The following COL25A1 variants were observed in gnomAD, a reference collection of about 807,000 sequenced individuals.
COL25A1 encodes collagen type XXV alpha 1 chain, also known as collagen alpha-1(XXV) chain.
A neutral mutation model predicts 128.4 loss-of-function variants in COL25A1; 103 were observed. That is an observed-to-expected ratio of 0.80 (90% CI 0.68 to 0.94). The LOEUF (loss-of-function observed/expected upper bound fraction) is 0.94. Among genes scored for constraint, COL25A1 ranks in the 40% least tolerant of loss-of-function variants. The pLI is 0.00. For synonymous variants in COL25A1, 279 were observed against 277.2 expected, an observed-to-expected ratio of 1.01 and a Z score of -0.06; for missense variants, 745 against 840.0, an observed-to-expected ratio of 0.89 and a Z score of 1.40.
At chr4:109,162,802 T>C (rs1772708694) in intron 3 of COL25A1, among the ~76,000 whole-genome samples, 1 of 152,198 alleles carries the variant, frequency 6.6e-6, no homozygotes, top group Admixed American at 6.5e-5. Flanking sequence ...TGTGGGGAAC[T>C]GGCATCCCAG....
chr4:109,065,974 C>A (rs1762415507), intron 3 of COL25A1, among the ~76,000 whole-genome samples: 1 of 152,130 alleles, frequency 6.6e-6, no homozygotes. Flanking sequence ...CATTTAAATC[C>A]ATAACCTGGA....
chr4:108,854,807 T>C (rs1291943282), intron 24 of COL25A1, among the ~76,000 whole-genome samples: 1 of 152,148 alleles, frequency 6.6e-6, no homozygotes, highest in Non-Finnish European at 1.5e-5. Context: ...AGTGTGGCAA[T>C]TCCTCAAGGA....
chr4:109,044,185 GA>G (rs1409143734), intron 5 of COL25A1, among the ~76,000 whole-genome samples: 4 of 151,754 alleles, frequency 2.6e-5, no homozygotes, highest in African/African-American at 4.8e-5. Flanking sequence ...GCTTCCTAGA[GA>G]ATAAATTGAT....
At position 108,862,498 on chromosome 4, in the gene COL25A1, G is replaced by C; in HGVS notation, c.1197+3C>G. The stretch of plus-strand genomic sequence containing the variant: ...ATATTTAAATGGTTATCTGGTTACT[G>C]ACCTTTGACCCCTTTGGGCCTCTAG... On this transcript the variant is annotated splice_donor_region_variant and intron_variant, in intron 22 of 37. Coordinates refer to ENST00000399132, the MANE Select transcript of COL25A1 (RefSeq NM_198721.4). 6.2e-7 allele frequency: 1 copy of C among 1,608,190 alleles called. No individual in the cohort carries two copies. Among genetic ancestry groups the C allele is most frequent in the South Asian group, 1.1e-5 (1 of 90,876 alleles).
intron 6 of COL25A1, among the ~76,000 whole-genome samples, chr4:108,978,540 A>T (rs1560963140): frequency 6.6e-6 from 1 of 151,742 alleles, no homozygotes; most frequent in Non-Finnish European, 1.5e-5. Flanking sequence ...TGGGGTATTA[A>T]TTTTTTTTTA....
At chr4:108,886,635 G>A (rs111876980) in intron 18 of COL25A1, among the ~76,000 whole-genome samples, 1 of 151,870 alleles carries the variant, frequency 6.6e-6, no homozygotes, top group African/African-American at 2.4e-5. Flanking sequence ...CTTGACTCAG[G>A]GGCTTCTCTC....
At chr4:109,000,759 A>C (rs964510907) in intron 6 of COL25A1, among the ~76,000 whole-genome samples, 5 of 143,830 alleles carry the variant, frequency 3.5e-5, no homozygotes, top group Non-Finnish European at 6.1e-5. Flanking sequence ...AAAAAAAAAA[A>C]AAAAAAAAAG....
chr4:108,891,519 CAAT>C (rs1325313056), intron 16 of COL25A1, among the ~76,000 whole-genome samples: 3 of 152,090 alleles, frequency 2.0e-5, no homozygotes, highest in African/African-American at 7.2e-5. Context: ...ATATTTTATA[CAAT>C]AATATCTTTG....
intron 3 of COL25A1, among the ~76,000 whole-genome samples, chr4:109,284,898 T>TAA (rs35323327): frequency 1.4e-5 from 2 of 142,404 alleles, no homozygotes; most frequent in Non-Finnish European, 3.1e-5. Context: ...ACAGCATGTA[T>TAA]AAAAAAAAAA....
chr4:108,834,432 G>A lies in COL25A1; in HGVS notation c.1657-1999C>T, dbSNP rs189783848. ...GTAGCAGGGTTGGTGGGTGTAACAC[G>A]AATGACAAGAACAGAGATTAGTATG... On this transcript the variant is annotated intron_variant, in intron 31 of 37. Coordinates refer to ENST00000399132, the MANE Select transcript of COL25A1 (RefSeq NM_198721.4). 14,229 of 1,524,252 alleles carry A rather than the reference G, an allele frequency of 9.3e-3. 98 individuals carry two copies. Among genetic ancestry groups the A allele is most frequent in the Non-Finnish European group, 0.012 (12,936 of 1,123,368 alleles). 94.4% of individuals were successfully genotyped at this position (1,524,252 alleles called of 1,614,324 possible).
At chr4:108,899,597 G>A (rs1027874291) in intron 14 of COL25A1, among the ~76,000 whole-genome samples, 5 of 152,012 alleles carry the variant, frequency 3.3e-5, no homozygotes, top group South Asian at 2.1e-4. Flanking sequence ...AGTGTTCCCC[G>A]GTTCATAGAT....
At chr4:108,956,502 T>C (rs1190436446) in intron 8 of COL25A1, among the ~76,000 whole-genome samples, 1 of 152,154 alleles carries the variant, frequency 6.6e-6, no homozygotes, top group Non-Finnish European at 1.5e-5. Context: ...ACCTCCCAGG[T>C]TCAAGTGATT....
rs77588875 is a variant in COL25A1 at position 109,109,734 on chromosome 4, G to T, written c.368-59555C>A. ...CCACACCTAACACTGTTTTTGGACT[G>T]TTAATCCCAAAAATGCAGGACTGGC... On this transcript the variant is annotated intron_variant, in intron 3 of 37. Coordinates refer to ENST00000399132, the MANE Select transcript of COL25A1 (RefSeq NM_198721.4). Among the ~76,000 whole-genome samples, 1,435 of 152,228 alleles carry T rather than the reference G, an allele frequency of 9.4e-3. 13 individuals carry two copies. The highest frequency in any genetic ancestry group is 0.02 in the Middle Eastern group (6 of 294).
chr4:108,947,305 GGTGGCGGGTGCCT>G (rs1252778734), intron 8 of COL25A1, among the ~76,000 whole-genome samples: 2 of 152,032 alleles, frequency 1.3e-5, no homozygotes, highest in Non-Finnish European at 2.9e-5. Flanking sequence ...AGCTGGGCAT[GGTGGCGGGTGCCT>G]GTAATCTCAG....
At chr4:109,292,297 T>C (rs2126285936) in intron 3 of COL25A1, among the ~76,000 whole-genome samples, 1 of 152,212 alleles carries the variant, frequency 6.6e-6, no homozygotes, top group South Asian at 2.1e-4. Flanking sequence ...TTTAAAGAAA[T>C]GTTATAAAAT....
intron 5 of COL25A1, among the ~76,000 whole-genome samples, chr4:109,042,836 G>A (rs945606129): frequency 1.3e-5 from 2 of 152,032 alleles, no homozygotes; most frequent in African/African-American, 4.8e-5. Context: ...GATGATTTGC[G>A]AGTTTGTTTT....
chr4:108,817,708 G>A (rs932847189), intron 36 of COL25A1, among the ~76,000 whole-genome samples: 1 of 152,052 alleles, frequency 6.6e-6, no homozygotes, highest in African/African-American at 2.4e-5. Flanking sequence ...ACAAAGCATA[G>A]TGCTCTATTC....
At chr4:108,983,716 T>C (rs530184773) in intron 6 of COL25A1, among the ~76,000 whole-genome samples, 4 of 152,196 alleles carry the variant, frequency 2.6e-5, no homozygotes, top group Admixed American at 2.6e-4. Context: ...CTGCGGACCT[T>C]CGCAGTGAGT....
chr4:108,880,525 C>A (rs1739992643), intron 19 of COL25A1, among the ~76,000 whole-genome samples: 1 of 152,004 alleles, frequency 6.6e-6, no homozygotes, highest in African/African-American at 2.4e-5. Flanking sequence ...TTTGAGCTGC[C>A]CCAAAAGAAA....
Sources: allele counts gnomAD v4.1 joint callset (sites outside exome capture counted in the v4.1 genomes callset), GRCh38; gene constraint gnomAD v4.1.1; transcripts MANE v1.5; gene names NCBI Gene and HGNC (gene_info 2026-07-23, HGNC 2026-07-21).